The following RABGAP1L variants were observed in gnomAD, a reference collection of about 807,000 sequenced individuals.
RABGAP1L encodes the protein rab GTPase-activating protein 1-like.
A neutral mutation model predicts 137.7 loss-of-function variants in RABGAP1L; 63 were observed. The ratio of observed to expected loss-of-function variants is 0.46; its 90% CI spans 0.37 to 0.56. RABGAP1L has a LOEUF of 0.56. RABGAP1L is among the 20% of genes least tolerant of loss of function. The probability of loss-of-function intolerance (pLI) is 0.00; values close to 1 mark genes in which losing one functional copy is unlikely to be tolerated. For synonymous variants in RABGAP1L, 431 were observed against 433.7 expected, an observed-to-expected ratio of 0.99 and a Z score of 0.08; for missense variants, 1,095 against 1,244.0, an observed-to-expected ratio of 0.88 and a Z score of 1.80.
intron 17 of RABGAP1L, among the ~76,000 whole-genome samples, chr1:174,749,175 CAAAA>C (rs199615357): frequency 2.5e-5 from 3 of 118,812 alleles, no homozygotes; most frequent in Non-Finnish European, 3.8e-5. Context: ...GACTCTGTCT[CAAAA>C]AAAAAAAAAA....
intron 13 of RABGAP1L, among the ~76,000 whole-genome samples, chr1:174,574,070 G>A (rs546778734): frequency 1.1e-4 from 16 of 152,316 alleles, no homozygotes; most frequent in Admixed American, 3.9e-4. Context: ...ATTACGGGCA[G>A]CCTTATCGGG....
intron 10 of RABGAP1L, among the ~76,000 whole-genome samples, chr1:174,297,730 G>T (rs1677259650): frequency 6.6e-6 from 1 of 152,152 alleles, no homozygotes. Context: ...TTGCATGATT[G>T]TTTGGAGTTT....
At chr1:174,629,919 A>G (rs1388025081) in intron 13 of RABGAP1L, among the ~76,000 whole-genome samples, 1 of 152,156 alleles carries the variant, frequency 6.6e-6, no homozygotes, top group Non-Finnish European at 1.5e-5. Flanking sequence ...CATAGAAAAA[A>G]ATTACTCAGT....
intron 19 of RABGAP1L, among the ~76,000 whole-genome samples, chr1:174,909,698 TATAAC>T (rs777806127): frequency 6.6e-6 from 1 of 151,964 alleles, no homozygotes; most frequent in African/African-American, 2.4e-5. Context: ...AAAAAGGAAA[TATAAC>T]AATTGAAACC....
At chr1:174,949,403 A>G (rs1558271035) in intron 19 of RABGAP1L, among the ~76,000 whole-genome samples, 2 of 152,222 alleles carry the variant, frequency 1.3e-5, no homozygotes, top group African/African-American at 4.8e-5. Flanking sequence ...GTGAAGTTTA[A>G]AAGAAAAACA....
chr1:174,260,635 T>C (rs1369796970), intron 7 of RABGAP1L, among the ~76,000 whole-genome samples: 1 of 152,182 alleles, frequency 6.6e-6, no homozygotes, highest in Non-Finnish European at 1.5e-5. Context: ...TCTCTCTGAC[T>C]AGCTGCCATT....
intron 13 of RABGAP1L, 47 bp from the exon 14 acceptor site, chr1:174,637,328 A>G (rs1674140232): frequency 1.5e-6 from 2 of 1,341,404 alleles, no homozygotes; most frequent in East Asian, 4.6e-5. Context: ...TATATTTCAT[A>G]ACTGGGAAAA....
At chr1:174,749,496 A>AT (rs535138895) in intron 17 of RABGAP1L, among the ~76,000 whole-genome samples, 113 of 149,054 alleles carry the variant, frequency 7.6e-4, no homozygotes, top group Non-Finnish European at 1.5e-3. Flanking sequence ...CACCTGGCTA[A>AT]TTTTTTTTTT....
chr1:174,821,406 T>G (rs868083452), intron 19 of RABGAP1L, among the ~76,000 whole-genome samples: 5 of 152,192 alleles, frequency 3.3e-5, no homozygotes, highest in African/African-American at 1.2e-4. Context: ...TAAGCTCTGC[T>G]CCAGCTCAAT....
intron 1 of RABGAP1L, among the ~76,000 whole-genome samples, chr1:174,169,985 A>G (rs1665220269): frequency 6.6e-6 from 1 of 152,200 alleles, no homozygotes; most frequent in Non-Finnish European, 1.5e-5. Flanking sequence ...AACCCTGCAC[A>G]ATTTTTCAAC....
At chr1:174,987,199 G>C (rs1449904290) in intron 24 of RABGAP1L, among the ~76,000 whole-genome samples, 2 of 151,718 alleles carry the variant, frequency 1.3e-5, no homozygotes, top group Non-Finnish European at 2.9e-5. Flanking sequence ...ACGGAGTCTT[G>C]CTCTGTCGCC....
chr1:174,717,474 C>G (rs970518874), intron 17 of RABGAP1L, among the ~76,000 whole-genome samples: 4 of 152,102 alleles, frequency 2.6e-5, no homozygotes, highest in Non-Finnish European at 4.4e-5. Context: ...CTGATTAAAC[C>G]TCTCGTTTAA....
chr1:174,927,514 GACAACAC>G (rs1310269775), intron 19 of RABGAP1L, among the ~76,000 whole-genome samples: 1 of 152,120 alleles, frequency 6.6e-6, no homozygotes, highest in Non-Finnish European at 1.5e-5. Context: ...ACAGGAATGA[GACAACAC>G]ACCAAGCCAT....
At chr1:174,202,158 A>G (rs1356126847) in intron 1 of RABGAP1L, among the ~76,000 whole-genome samples, 1 of 151,998 alleles carries the variant, frequency 6.6e-6, no homozygotes, top group African/African-American at 2.4e-5. Context: ...TCCTTTGGGT[A>G]TATACCCAGT....
At chr1:174,225,458 G>A (rs1670093868) in intron 3 of RABGAP1L, among the ~76,000 whole-genome samples, 1 of 136,870 alleles carries the variant, frequency 7.3e-6, no homozygotes, top group African/African-American at 2.7e-5. Context: ...TATGTTTTGA[G>A]ACTATTTCTT....
intron 1 of RABGAP1L, among the ~76,000 whole-genome samples, chr1:174,218,336 C>T (rs1474523940): frequency 6.6e-6 from 1 of 152,048 alleles, no homozygotes; most frequent in African/African-American, 2.4e-5. Flanking sequence ...ACTTGTTTTC[C>T]TTATTCACTT....
intron 14 of RABGAP1L, among the ~76,000 whole-genome samples, chr1:174,647,191 C>G (rs1675040534): frequency 6.6e-6 from 1 of 151,984 alleles, no homozygotes; most frequent in Non-Finnish European, 1.5e-5. Context: ...TATTTGAATA[C>G]CCTTTATTTC....
At chr1:174,388,020 C>T (rs1047632512) in intron 12 of RABGAP1L, among the ~76,000 whole-genome samples, 3 of 151,930 alleles carry the variant, frequency 2.0e-5, no homozygotes, top group Non-Finnish European at 4.4e-5. Context: ...GCTCAAATTT[C>T]TTTTTGAAAC....
At chr1:174,237,404 G>A (rs2148534363) in intron 4 of RABGAP1L, among the ~76,000 whole-genome samples, 1 of 71,234 alleles carries the variant, frequency 1.4e-5, no homozygotes, top group South Asian at 5.8e-4. Flanking sequence ...TGCAGCGGCT[G>A]GTACCGGTTG....
Sources: gnomAD v4.1 joint callset for allele counts (sites outside exome capture counted in the v4.1 genomes callset) on GRCh38, gnomAD v4.1.1 for gene constraint, MANE v1.5 for transcripts, NCBI Gene and HGNC (gene_info 2026-07-23, HGNC 2026-07-21) for gene names.